PACRGL: variants seen among roughly 807,000 people sequenced by gnomAD.
PACRGL encodes PACRG-like protein.
Under a neutral mutation model 34.5 loss-of-function variants are expected in PACRGL, and 38 were observed. The ratio of observed to expected loss-of-function variants is 1.10; its 90% CI spans 0.85 to 1.44. The LOEUF (loss-of-function observed/expected upper bound fraction) is 1.44, where lower values mean the gene tolerates loss of function less well. Among genes scored for constraint, PACRGL ranks in the 40% most tolerant of loss-of-function variants. The pLI, the probability that PACRGL is intolerant of heterozygous loss-of-function variation, is 0.00. For missense variants in PACRGL, 305 were observed against 281.4 expected, an observed-to-expected ratio of 1.08 and a Z score of -0.60; for synonymous variants, 128 against 100.1, an observed-to-expected ratio of 1.28 and a Z score of -1.66.
downstream of PACRGL, among the ~76,000 whole-genome samples, chr4:20,754,308 G>T (rs1315269598): frequency 1.3e-5 from 2 of 152,188 alleles, no homozygotes; most frequent in Non-Finnish European, 2.9e-5. Context: ...ATTGCAGAGA[G>T]TTCTGTAGAT....
intron 1 of PACRGL, among the ~76,000 whole-genome samples, chr4:20,703,056 T>C (rs1231850974): frequency 6.6e-6 from 1 of 152,204 alleles, no homozygotes; most frequent in South Asian, 2.1e-4. Context: ...TTGTCCTCCT[T>C]TTGAGGATTT....
chr4:20,713,640 A>G, intron 7 of PACRGL, 101 bp downstream of exon 7: 1 of 937,752 alleles, frequency 1.1e-6, no homozygotes, highest in Non-Finnish European at 1.6e-6. Flanking sequence ...TCAAAACCTT[A>G]AAAATCTCCC....
At chr4:20,749,196 A>C (rs558545435) in intron 8 of PACRGL, among the ~76,000 whole-genome samples, 11 of 139,370 alleles carry the variant, frequency 7.9e-5, no homozygotes, top group African/African-American at 2.6e-4. Context: ...GATCACTTAA[A>C]GTTTGTAATT....
rs577772710 is a variant in PACRGL at position 20,724,781 on chromosome 4, C to T, written c.610-27C>T. The T allele has an allele frequency of 4.2e-5, 56 of 1,324,036 alleles. 1 individual carries two copies. The highest frequency in any genetic ancestry group is 1.1e-4 in the South Asian group (7 of 62,762). 82.0% of individuals were successfully genotyped at this position (1,324,036 alleles called of 1,614,324 possible). A position where few individuals can be genotyped will look rare whatever the true frequency, so the allele number is the denominator to read the frequency against. On this transcript the variant is annotated intron_variant, in intron 7 of 8. Coordinates refer to ENST00000503585, the MANE Select transcript of PACRGL (RefSeq NM_001258345.3). ...AGCATTGTTAAGTTTAAAGTCATTT[C>T]GTTTCCCCCTAATCTTACTTTAAAA...
At chr4:20,708,744 G>C (rs1023895798) in intron 4 of PACRGL, among the ~76,000 whole-genome samples, 2 of 152,154 alleles carry the variant, frequency 1.3e-5, no homozygotes, top group Non-Finnish European at 2.9e-5. Flanking sequence ...TAGGTTGATG[G>C]ATTAAGTTCA....
intron 8 of PACRGL, chr4:20,749,819 C>A: frequency 1.2e-6 from 1 of 808,856 alleles, no homozygotes. Context: ...TCCTTTGATC[C>A]AGAAGAATTA....
chr4:20,730,019 C>T lies in PACRGL; in HGVS notation c.*2678C>T, dbSNP rs1298731490. The T allele has an allele frequency of 6.5e-7, 1 of 1,539,408 alleles. No homozygotes were observed. Among genetic ancestry groups the T allele is most frequent in the Non-Finnish European group, 8.7e-7 (1 of 1,144,524 alleles). ...GCAATCTATGCTAAAAGTGGTAGCT[C>T]CAACTTTAAGGGTGGTAGAATAGTT... On this transcript the variant is annotated 3_prime_UTR_variant, in exon 9 of 9. Coordinates refer to ENST00000503585, the MANE Select transcript of PACRGL (RefSeq NM_001258345.3).
rs1748154723 is a variant in PACRGL, at chr4:20,731,364, G to A, written c.*4023G>A. 6 of 982,770 alleles carry A rather than the reference G, an allele frequency of 6.1e-6. No homozygotes were observed. The highest frequency in any genetic ancestry group is 7.3e-6 in the Non-Finnish European group (6 of 827,546). The allele number at this position is 982,770 out of a possible 1,614,324, so 60.9% of individuals were successfully genotyped here. A position where few individuals can be genotyped will look rare whatever the true frequency, so the allele number is the denominator to read the frequency against. ...GCTGGGATTACAGTTGTGAGCTACTGTACCAGGCCTTAACAATTTTTAACT... is the reference window on the plus strand; with the variant it reads ...GCTGGGATTACAGTTGTGAGCTACTATACCAGGCCTTAACAATTTTTAACT... On this transcript the variant is annotated 3_prime_UTR_variant, in exon 9 of 9. Coordinates refer to ENST00000503585, the MANE Select transcript of PACRGL (RefSeq NM_001258345.3).
intron 1 of PACRGL, among the ~76,000 whole-genome samples, chr4:20,704,247 A>T (rs879259635): frequency 2.0e-5 from 3 of 152,320 alleles, no homozygotes; most frequent in South Asian, 2.1e-4. Context: ...ACTTTTGTAC[A>T]TCATTTCTTG....
At chr4:20,733,285 T>A (rs1443016582), downstream of PACRGL, among the ~76,000 whole-genome samples, 1 of 152,170 alleles carries the variant, frequency 6.6e-6, no homozygotes, top group East Asian at 1.9e-4. Flanking sequence ...TTAACTTAAG[T>A]CACATGTGAA....
downstream of PACRGL, among the ~76,000 whole-genome samples, chr4:20,735,200 T>C (rs1749293546): frequency 6.6e-6 from 1 of 152,202 alleles, no homozygotes; most frequent in East Asian, 1.9e-4. Context: ...ATAATTTACA[T>C]GTGGACAGTG....
chr4:20,708,311 A>G (rs1044170449), intron 4 of PACRGL, among the ~76,000 whole-genome samples: 9 of 146,602 alleles, frequency 6.1e-5, no homozygotes, highest in African/African-American at 2.0e-4. Context: ...TCAGAACTTT[A>G]AAAAAAAAAT....
chr4:20,709,937 TA>T (rs1250082492), intron 5 of PACRGL, 164 bp downstream of exon 5: 1 of 538,642 alleles, frequency 1.9e-6, no homozygotes, highest in Non-Finnish European at 3.3e-6. Context: ...TTATGATTCT[TA>T]TATAGTTATT....
chr4:20,698,042 A>G (rs1292595768), upstream of PACRGL, among the ~76,000 whole-genome samples: 2 of 152,272 alleles, frequency 1.3e-5, no homozygotes, highest in Non-Finnish European at 2.9e-5. Flanking sequence ...GAACCCCCTA[A>G]GGATAGGAGC....
chr4:20,722,034 CT>C (rs998018458), intron 7 of PACRGL, among the ~76,000 whole-genome samples: 3 of 152,238 alleles, frequency 2.0e-5, no homozygotes, highest in African/African-American at 7.2e-5. Flanking sequence ...GCGGGCGCCC[CT>C]CTCCCAGCCT....
rs185935732 is a variant in PACRGL at position 20,740,557 on chromosome 4, A to G, written c.*57-12008A>G. The stretch of plus-strand genomic sequence containing the variant: ...TTTGTCACCGCCAGGCCTGCCTTAC[A>G]AGAGCTTCTGAAGGAAGCACTAAAC... On this transcript the variant is annotated intron_variant, in intron 8 of 8. Coordinates refer to the PACRGL transcript ENST00000507634. Among the ~76,000 whole-genome samples, 355 of 152,326 alleles carry G rather than the reference A, an allele frequency of 2.3e-3. 2 individuals are homozygous for G. Among genetic ancestry groups the G allele is most frequent in the African/African-American group, 7.5e-3 (312 of 41,560 alleles).
intron 1 of PACRGL, among the ~76,000 whole-genome samples, chr4:20,703,416 G>T (rs1241646246): frequency 6.6e-6 from 1 of 151,890 alleles, no homozygotes; most frequent in African/African-American, 2.4e-5. Context: ...ATGAGGAAAG[G>T]CTTCATGGAA....
chr4:20,760,471 A>G, the PACRGL span, among the ~76,000 whole-genome samples: 9 of 152,244 alleles, frequency 5.9e-5, no homozygotes, highest in Non-Finnish European at 1.0e-4. Context: ...CAGTTACTCA[A>G]CTGTAATGTG....
rs971117260 is a variant in PACRGL at position 20,707,410 on chromosome 4, A to T, written c.208-393A>T. 2.0e-5 allele frequency among the ~76,000 whole-genome samples: 3 copies of T among 152,206 alleles called. No individual in the cohort carries two copies. The South Asian group carries it at 6.2e-4, about 31-fold the overall frequency. On this transcript the variant is annotated intron_variant, in intron 3 of 8. Coordinates refer to ENST00000503585, the MANE Select transcript of PACRGL (RefSeq NM_001258345.3). ...AGAAGCCTAAAGCCAGTTTGGAGAA[A>T]TGTGACTACCTACGCCATCTGTATT...
Sources: allele counts gnomAD v4.1 joint callset (sites outside exome capture counted in the v4.1 genomes callset), GRCh38; gene constraint gnomAD v4.1.1; transcripts MANE v1.5; gene names NCBI Gene and HGNC (gene_info 2026-07-23, HGNC 2026-07-21).